The following ANKRD18A variants were observed in gnomAD, a reference collection of about 807,000 sequenced individuals.
ANKRD18A encodes ankyrin repeat domain-containing protein 18A.
Under a neutral mutation model 110.6 loss-of-function variants are expected in ANKRD18A, and 72 were observed. The observed-to-expected ratio is 0.65, with a 90% CI of 0.54 to 0.79. The LOEUF (loss-of-function observed/expected upper bound fraction) is 0.79, where lower values mean the gene tolerates loss of function less well. Among genes scored for constraint, ANKRD18A ranks in the 30% least tolerant of loss-of-function variants. ANKRD18A has a pLI of 0.00. For synonymous variants in ANKRD18A, 305 were observed against 410.3 expected (o/e 0.74, Z 3.10); for missense variants, 934 against 1,163.3 (o/e 0.80, Z 2.87).
chr9:38,602,105 A>G (rs1416541638), intron 7 of ANKRD18A, among the ~76,000 whole-genome samples: 1 of 148,782 alleles, frequency 6.7e-6, no homozygotes, highest in Non-Finnish European at 1.5e-5. Context: ...CTCCCTTCGT[A>G]CTTTTTGAAT....
intron 15 of ANKRD18A, among the ~76,000 whole-genome samples, chr9:38,573,362 T>C (rs922215317): frequency 2.0e-5 from 3 of 152,146 alleles, no homozygotes; most frequent in African/African-American, 7.2e-5. Context: ...CTGACAAAAA[T>C]AGATAATATT....
At chr9:38,569,183 C>G, downstream of ANKRD18A, 1 of 984,438 alleles carries the variant, frequency 1.0e-6, no homozygotes, top group South Asian at 4.7e-5. Flanking sequence ...GGCCTGGTGA[C>G]AGGGCCATGA....
At chr9:38,611,112 A>C in intron 4 of ANKRD18A, 103 bp downstream of exon 4, 1 of 1,436,962 alleles carries the variant, frequency 7.0e-7, no homozygotes, top group Non-Finnish European at 9.1e-7. Context: ...GCCAATAATT[A>C]TAAGTTTAAT....
At chr9:38,569,821 G>C (rs764638744), downstream of ANKRD18A, among the ~76,000 whole-genome samples, 10 of 152,098 alleles carry the variant, frequency 6.6e-5, no homozygotes, top group Admixed American at 3.3e-4. Flanking sequence ...TCTCCACTGA[G>C]GGTGGTCCTG....
intron 10 of ANKRD18A, among the ~76,000 whole-genome samples, chr9:38,591,169 T>C (rs1325544713): frequency 9.9e-5 from 15 of 151,650 alleles, no homozygotes; most frequent in Non-Finnish European, 4.4e-5. Flanking sequence ...GGGTCTCACT[T>C]ATATTGCTCT....
intron 3 of ANKRD18A, among the ~76,000 whole-genome samples, chr9:38,611,631 A>T (rs1421062352): frequency 1.3e-5 from 2 of 152,278 alleles, no homozygotes; most frequent in East Asian, 3.9e-4. Flanking sequence ...ACTGAAACCA[A>T]GAGATTCTCA....
At chr9:38,574,648 T>C (rs1823801495) in intron 15 of ANKRD18A, among the ~76,000 whole-genome samples, 1 of 152,142 alleles carries the variant, frequency 6.6e-6, no homozygotes, top group South Asian at 2.1e-4. Context: ...AAAATGGAAA[T>C]GAACCTTTCA....
chr9:38,588,133 C>T (rs979340852), intron 11 of ANKRD18A, among the ~76,000 whole-genome samples: 1 of 152,002 alleles, frequency 6.6e-6, no homozygotes, highest in Non-Finnish European at 1.5e-5. Context: ...AATGTTTTGG[C>T]ATTCAAAAAA....
At chr9:38,579,680 G>C (rs553632817) in intron 12 of ANKRD18A, among the ~76,000 whole-genome samples, 9 of 152,274 alleles carry the variant, frequency 5.9e-5, no homozygotes, top group Admixed American at 5.9e-4. Flanking sequence ...ACACAAAAAA[G>C]TGCTGGTGAG....
chr9:38,572,716 A>G (rs185208515), intron 15 of ANKRD18A: 240 of 155,738 alleles, frequency 1.5e-3, no homozygotes, highest in Non-Finnish European at 2.7e-3. Flanking sequence ...TTCATGGTGA[A>G]ATTTTTGGAA....
chr9:38,578,040 C>T lies in ANKRD18A; in HGVS notation c.2356G>A (p.Glu786Lys). The T allele has an allele frequency of 1.3e-6, 2 of 1,552,084 alleles. No individual in the cohort carries two copies. Among genetic ancestry groups the T allele is most frequent in the Non-Finnish European group, 1.7e-6 (2 of 1,146,868 alleles). The stretch of plus-strand genomic sequence containing the variant: ...TCCTTCTCAAGTTTTTCACATTTCT[C>T]TTGTACATTTCTCATAGATAATAAC... The part of the protein sequence containing the change: ...QELLSMRNVQ[E>K]KCEKLEKDKK... Residue 786 changes from glutamate (E) to lysine (K), a missense_variant, in exon 13 of 16, where the codon GAG becomes AAG. Coordinates refer to ENST00000399703, the MANE Select transcript of ANKRD18A (RefSeq NM_147195.4).
intron 12 of ANKRD18A, among the ~76,000 whole-genome samples, chr9:38,583,255 G>A (rs1824237630): frequency 6.6e-6 from 1 of 152,182 alleles, no homozygotes; most frequent in South Asian, 2.1e-4. Flanking sequence ...AAAACAAACT[G>A]TCAGCTCCTC....
At chr9:38,596,826 A>T (rs1260530121) in intron 8 of ANKRD18A, among the ~76,000 whole-genome samples, 1 of 152,162 alleles carries the variant, frequency 6.6e-6, no homozygotes, top group Non-Finnish European at 1.5e-5. Context: ...TTGGACAGAT[A>T]AAATCTCTCA....
downstream of ANKRD18A, among the ~76,000 whole-genome samples, chr9:38,570,473 T>G (rs118162171): frequency 0.012 from 1,794 of 151,812 alleles, 22 homozygotes; most frequent in Middle Eastern, 0.027. Context: ...GCCCCACTAA[T>G]AAGAGCACCA....
rs1305695338 is a variant in ANKRD18A, at chr9:38,615,647, A to G, written c.442T>C (p.Ser148Pro). 6.2e-6 allele frequency: 10 copies of G among 1,611,358 alleles called. No individual in the cohort carries two copies. The highest frequency in any genetic ancestry group is 8.5e-6 in the Non-Finnish European group (10 of 1,179,502). The change falls in exon 3 of 16, where the codon TCA becomes CCA. Residue 148 changes from serine (S) to proline (P), a missense_variant. Physicochemically the swap from Ser to Pro is moderately conservative, Grantham distance 74. This residue lies in a region of ANKRD18A where 630 missense variants were observed against 797.5 expected (regional missense o/e 0.79). Transcript: ENST00000399703. ...LHYAVYNKGT[S>P]LAERLLSHHA... ...TGGGAAAGCAGTCTTTCTGCCAGTG[A>G]AGTCCCCTTATTATACACGGCATAA...
At chr9:38,584,983 A>AAT (rs999638884) in intron 12 of ANKRD18A, among the ~76,000 whole-genome samples, 2 of 152,144 alleles carry the variant, frequency 1.3e-5, no homozygotes, top group Non-Finnish European at 2.9e-5. Context: ...TTTACCCCCA[A>AAT]ATATATATTT....
intron 1 of ANKRD18A, among the ~76,000 whole-genome samples, chr9:38,617,015 C>T (rs1825886278): frequency 6.6e-6 from 1 of 152,202 alleles, no homozygotes; most frequent in South Asian, 2.1e-4. Flanking sequence ...ACTGTATACA[C>T]AGCAGGTCTA....
At chr9:38,581,658 C>T (rs1332396543) in intron 12 of ANKRD18A, among the ~76,000 whole-genome samples, 2 of 152,112 alleles carry the variant, frequency 1.3e-5, no homozygotes, top group Admixed American at 6.5e-5. Flanking sequence ...ACATCAAATG[C>T]ATTTTCTCCT....
chr9:38,579,415 A>G (rs182908556), intron 12 of ANKRD18A, among the ~76,000 whole-genome samples: 3 of 152,286 alleles, frequency 2.0e-5, no homozygotes, highest in Admixed American at 1.3e-4. Context: ...AAAATATCCA[A>G]ATACACAAGA....
Sources: gnomAD v4.1 joint callset for allele counts (sites outside exome capture counted in the v4.1 genomes callset) on GRCh38, gnomAD v4.1.1 for gene constraint, gnomAD v4.1.1 regional missense constraint, MANE v1.5 for transcripts, NCBI Gene and HGNC (gene_info 2026-07-23, HGNC 2026-07-21) for gene names.